Variants in EPHB2 observed in about 807,000 individuals in gnomAD.
EPHB2 encodes EPH receptor B2.
EPHB2 carries 18 observed loss-of-function variants against 96.4 expected under a neutral mutation model. That is an observed-to-expected ratio of 0.19 (90% confidence interval 0.13 to 0.28). The LOEUF (loss-of-function observed/expected upper bound fraction) is 0.28, where lower values mean the gene tolerates loss of function less well. EPHB2 is among the 10% of genes least tolerant of loss of function. The pLI, the probability that EPHB2 is intolerant of heterozygous loss-of-function variation, is 1.00. For synonymous variants in EPHB2, 506 were observed against 534.1 expected (o/e 0.95, Z 0.72); for missense variants, 989 against 1,355.4 (o/e 0.73, Z 4.25).
At chr1:22,776,412 T>C (rs572938014) in intron 1 of EPHB2, among the ~76,000 whole-genome samples, 4 of 152,222 alleles carry the variant, frequency 2.6e-5, no homozygotes, top group Admixed American at 6.5e-5. Flanking sequence ...CTCATTGTGA[T>C]CTTAGCCACA....
At chr1:22,735,150 C>T (rs574898281) in intron 1 of EPHB2, among the ~76,000 whole-genome samples, 14 of 152,134 alleles carry the variant, frequency 9.2e-5, no homozygotes, top group Admixed American at 6.5e-4. Flanking sequence ...TTGCTGGGTA[C>T]GGTGGCTCAC....
chr1:22,882,578 G>T, intron 6 of EPHB2, 95 bp downstream of exon 6: 1 of 1,581,032 alleles, frequency 6.3e-7, no homozygotes, highest in Non-Finnish European at 8.6e-7. Context: ...CGCAAGATGA[G>T]ACGCACTGGT....
At chr1:22,788,110 C>T (rs1177922517) in intron 3 of EPHB2, among the ~76,000 whole-genome samples, 1 of 152,198 alleles carries the variant, frequency 6.6e-6, no homozygotes, top group Non-Finnish European at 1.5e-5. Flanking sequence ...GCAAGTCACC[C>T]AATTCAGCCC....
chr1:22,913,738 C>A lies in EPHB2; in HGVS notation c.*168C>A, dbSNP rs1383571170. ...CACGAGACGTCACCAAGAAAACATG[C>A]AACTCAAACGACGGAAAAAAAAAGG... On this transcript the variant is annotated 3_prime_UTR_variant, in exon 16 of 16. Coordinates refer to ENST00000374630, the MANE Select transcript of EPHB2 (RefSeq NM_017449.5). This position sits in a 1 kb window ranked among gnomAD's most constrained non-coding sequence, Gnocchi z 4.1. 6.2e-7 allele frequency: 1 copy of A among 1,602,944 alleles called. No homozygotes were observed. The highest frequency in any genetic ancestry group is 1.7e-5 in the Admixed American group (1 of 57,656).
chr1:22,762,332 G>T (rs751546016), intron 1 of EPHB2, among the ~76,000 whole-genome samples: 1 of 152,208 alleles, frequency 6.6e-6, no homozygotes, highest in Non-Finnish European at 1.5e-5. Flanking sequence ...CCTTAGGGCT[G>T]CAGGACCCTC....
chr1:22,736,154 A>G (rs1015740776), intron 1 of EPHB2, among the ~76,000 whole-genome samples: 2 of 152,218 alleles, frequency 1.3e-5, no homozygotes, highest in Non-Finnish European at 2.9e-5. Flanking sequence ...TGTCATAAGC[A>G]GAGTCGGGGG....
intron 1 of EPHB2, among the ~76,000 whole-genome samples, chr1:22,780,962 T>TA (rs1308921779): frequency 9.9e-5 from 15 of 151,902 alleles, no homozygotes; most frequent in African/African-American, 2.4e-4. Context: ...TCTGGAGAGT[T>TA]AGAGTCAGAT....
intron 3 of EPHB2, among the ~76,000 whole-genome samples, chr1:22,812,672 C>G (rs1645020115): frequency 6.6e-6 from 1 of 152,196 alleles, no homozygotes; most frequent in Non-Finnish European, 1.5e-5. Context: ...CTCTCTGAGC[C>G]TCGGCGTCCT....
At chr1:22,740,240 G>C (rs1377373092) in intron 1 of EPHB2, among the ~76,000 whole-genome samples, 2 of 152,170 alleles carry the variant, frequency 1.3e-5, no homozygotes, top group Non-Finnish European at 2.9e-5. Flanking sequence ...TGCGGTCACT[G>C]GGATATATTG....
rs1645539574 is a variant in EPHB2, at chr1:22,846,239, G to A, written c.812-16798G>A. Among the ~76,000 whole-genome samples the A allele has an allele frequency of 6.6e-6, 1 of 152,086 alleles. No homozygotes were observed. The highest frequency in any genetic ancestry group is 2.4e-5 in the African/African-American group (1 of 41,406). On this transcript the variant is annotated intron_variant, in intron 3 of 15. Transcript: ENST00000374630. The surrounding 1 kb of genome is among the most constrained non-coding windows in gnomAD (Gnocchi z 4.3). ...TCGAGACCAGCCTGGCCAACATGGT[G>A]AAACGCCATCTCGACTAAAAATATA...
At chr1:22,788,157 C>T (rs1478376611) in intron 3 of EPHB2, among the ~76,000 whole-genome samples, 1 of 152,118 alleles carries the variant, frequency 6.6e-6, no homozygotes, top group African/African-American at 2.4e-5. Context: ...GGTGTGAATG[C>T]CAGGAGGTGG....
intron 4 of EPHB2, among the ~76,000 whole-genome samples, chr1:22,863,490 C>G (rs1416929000): frequency 1.3e-5 from 2 of 152,198 alleles, no homozygotes; most frequent in Non-Finnish European, 2.9e-5. Flanking sequence ...GATGAAGCAA[C>G]ACAGGTAGTA....
intron 3 of EPHB2, among the ~76,000 whole-genome samples, chr1:22,830,020 G>T (rs914710150): frequency 6.6e-6 from 1 of 152,178 alleles, no homozygotes; most frequent in South Asian, 2.1e-4. Flanking sequence ...ACAATAAATG[G>T]CTGTGCGAGT....
At chr1:22,806,164 A>T (rs540725371) in intron 3 of EPHB2, among the ~76,000 whole-genome samples, 4 of 152,214 alleles carry the variant, frequency 2.6e-5, no homozygotes, top group Non-Finnish European at 4.4e-5. Context: ...TGAAAGAATG[A>T]ATAATAGCCA....
At chr1:22,900,587 A>G (rs1381248057) in intron 9 of EPHB2, among the ~76,000 whole-genome samples, 1 of 152,160 alleles carries the variant, frequency 6.6e-6, no homozygotes, top group East Asian at 1.9e-4. Flanking sequence ...CTGAGCTGGA[A>G]TGGGATAGGC....
intron 1 of EPHB2, among the ~76,000 whole-genome samples, chr1:22,737,762 G>A (rs1355342909): frequency 2.0e-5 from 3 of 152,202 alleles, no homozygotes; most frequent in African/African-American, 4.8e-5. Context: ...TTACCAACAG[G>A]CTCTTGGGTT....
intron 3 of EPHB2, among the ~76,000 whole-genome samples, chr1:22,853,438 C>G (rs958158823): frequency 6.6e-6 from 1 of 152,168 alleles, no homozygotes; most frequent in Non-Finnish European, 1.5e-5. Flanking sequence ...TCACAGCCTC[C>G]TAGGAGAGGC....
At chr1:22,758,388 G>C (rs1644185274) in intron 1 of EPHB2, among the ~76,000 whole-genome samples, 1 of 151,988 alleles carries the variant, frequency 6.6e-6, no homozygotes, top group Admixed American at 6.5e-5. Flanking sequence ...TCTCCTAGGA[G>C]AGGGCTTCCT....
At chr1:22,820,386 C>T (rs1052032666) in intron 3 of EPHB2, among the ~76,000 whole-genome samples, 34 of 152,156 alleles carry the variant, frequency 2.2e-4, no homozygotes, top group South Asian at 1.2e-3. Flanking sequence ...TATTGCTGAG[C>T]GCGGTGGCTC....
Sources: gnomAD v4.1 joint callset for allele counts (sites outside exome capture counted in the v4.1 genomes callset) on GRCh38, gnomAD v4.1.1 for gene constraint, Gnocchi (gnomAD v3.1) non-coding constraint, MANE v1.5 for transcripts, NCBI Gene and HGNC (gene_info 2026-07-23, HGNC 2026-07-21) for gene names.